Variants in NCOA2 observed in about 807,000 individuals in gnomAD.
NCOA2 encodes the protein nuclear receptor coactivator 2.
Under a neutral mutation model 145.1 loss-of-function variants are expected in NCOA2, and 21 were observed. That is an observed-to-expected ratio of 0.14 (90% confidence interval 0.10 to 0.21). NCOA2 has a LOEUF of 0.21. Ranked by LOEUF, NCOA2 falls within the 10% of genes least tolerant of loss-of-function variation. NCOA2 has a pLI of 1.00. For synonymous variants in NCOA2, 619 were observed against 637.5 expected (o/e 0.97, Z 0.44); for missense variants, 1,472 against 1,837.6 (o/e 0.80, Z 3.64).
At chr8:70,404,997 CTT>C (rs1169382520), upstream of NCOA2, among the ~76,000 whole-genome samples, 3 of 152,164 alleles carry the variant, frequency 2.0e-5, no homozygotes. Flanking sequence ...TTATTGAACA[CTT>C]ACTGTGAATC....
At chr8:70,297,423 T>A (rs1306105686) in intron 1 of NCOA2, among the ~76,000 whole-genome samples, 2 of 152,164 alleles carry the variant, frequency 1.3e-5, no homozygotes, top group Non-Finnish European at 2.9e-5. Flanking sequence ...AACCTCAAAC[T>A]CGTAGGCTCA....
chr8:70,171,690 G>A (rs1218570023), intron 5 of NCOA2, among the ~76,000 whole-genome samples: 1 of 152,134 alleles, frequency 6.6e-6, no homozygotes, highest in African/African-American at 2.4e-5. Context: ...TGGAGACAAG[G>A]TCTTGCTCTC....
chr8:70,360,480 C>T (rs1175047800), intron 1 of NCOA2, among the ~76,000 whole-genome samples: 1 of 152,096 alleles, frequency 6.6e-6, no homozygotes, highest in Non-Finnish European at 1.5e-5. Flanking sequence ...TAGTTAATTA[C>T]AGCACAGGAG....
the NCOA2 span, among the ~76,000 whole-genome samples, chr8:70,416,007 A>G: frequency 1.3e-5 from 2 of 152,196 alleles, no homozygotes; most frequent in African/African-American, 4.8e-5. Context: ...TAGAAATTAG[A>G]TATTTATATC....
the NCOA2 span, among the ~76,000 whole-genome samples, chr8:70,434,861 T>C: frequency 1.3e-5 from 2 of 152,164 alleles, no homozygotes; most frequent in African/African-American, 4.8e-5. Flanking sequence ...CCCATGATTT[T>C]GATGACAACA....
the NCOA2 span, among the ~76,000 whole-genome samples, chr8:70,434,463 C>T: frequency 5.9e-3 from 897 of 152,234 alleles, 14 homozygotes; most frequent in Non-Finnish European, 4.9e-3. Context: ...AATTTGCTCT[C>T]TGAGAAAAGA....
At chr8:70,351,751 ATTTTTTTT>A (rs1266426866) in intron 1 of NCOA2, among the ~76,000 whole-genome samples, 2 of 129,908 alleles carry the variant, frequency 1.5e-5, no homozygotes, top group South Asian at 2.5e-4. Context: ...ACCCCGGCTA[ATTTTTTTT>A]TTTTTTTTTT....
At chr8:70,442,782 G>A in the NCOA2 span, among the ~76,000 whole-genome samples, 2 of 152,070 alleles carry the variant, frequency 1.3e-5, no homozygotes, top group South Asian at 4.1e-4. Context: ...TCCCCAGGTC[G>A]CTTCTGCTGG....
intron 1 of NCOA2, among the ~76,000 whole-genome samples, chr8:70,395,837 A>AT (rs1317495800): frequency 7.9e-5 from 12 of 152,348 alleles, no homozygotes; most frequent in African/African-American, 2.9e-4. Context: ...GTTTTGGGTC[A>AT]TATTTCATAT....
intron 15 of NCOA2, among the ~76,000 whole-genome samples, chr8:70,132,204 C>A (rs979770438): frequency 1.3e-5 from 2 of 152,208 alleles, no homozygotes; most frequent in Admixed American, 6.5e-5. Flanking sequence ...AGGCACAAAT[C>A]TAGACATTTA....
intron 2 of NCOA2, among the ~76,000 whole-genome samples, chr8:70,217,825 G>T (rs1819768829): frequency 6.6e-6 from 1 of 152,104 alleles, no homozygotes; most frequent in Non-Finnish European, 1.5e-5. Context: ...AAACAATGCA[G>T]CAGGACAAGC....
At chr8:70,175,502 G>A (rs537384494) in intron 4 of NCOA2, among the ~76,000 whole-genome samples, 11 of 152,362 alleles carry the variant, frequency 7.2e-5, no homozygotes, top group African/African-American at 2.2e-4. Flanking sequence ...AGAAAGGCGC[G>A]TAGCGTGCGC....
rs763307641 is a variant in NCOA2 at position 70,157,257 on chromosome 8, G to GA, written c.1125-18dup. 2.0e-6 allele frequency: 3 copies of GA among 1,486,780 alleles called. No individual in the cohort carries two copies. The highest frequency in any genetic ancestry group is 2.8e-5 in the African/African-American group (2 of 71,224). 92.1% of individuals were successfully genotyped at this position (1,486,780 alleles called of 1,614,324 possible). ...TTCTGCTCTCTGTATAACGAGAAAAGAAAAAAATGTAAGATAAAAGGAAAA... is the reference window on the plus strand; with the variant it reads ...TTCTGCTCTCTGTATAACGAGAAAAGAAAAAAAATGTAAGATAAAAGGAAAA... On this transcript the variant is annotated splice_polypyrimidine_tract_variant and intron_variant, in intron 10 of 22. Transcript: ENST00000452400.
At chr8:70,382,847 A>T (rs1409774045) in intron 1 of NCOA2, among the ~76,000 whole-genome samples, 4 of 152,234 alleles carry the variant, frequency 2.6e-5, no homozygotes, top group Non-Finnish European at 5.9e-5. Flanking sequence ...CCGTGTTAAT[A>T]ATAATACTTC....
At chr8:70,410,901 G>A in the NCOA2 span, among the ~76,000 whole-genome samples, 2 of 152,128 alleles carry the variant, frequency 1.3e-5, no homozygotes, top group East Asian at 3.8e-4. Context: ...TGTGGGGGGT[G>A]CAGATTGACT....
chr8:70,163,713 G>C, intron 7 of NCOA2, 147 bp from the exon 8 acceptor site: 1 of 621,574 alleles, frequency 1.6e-6, no homozygotes, highest in Middle Eastern at 2.7e-4. Flanking sequence ...CTTCCTACTG[G>C]TTTTATTCTC....
chr8:70,284,860 AGGGGAGAC>A (rs1300916772), intron 2 of NCOA2, among the ~76,000 whole-genome samples: 1 of 151,954 alleles, frequency 6.6e-6, no homozygotes, highest in East Asian at 1.9e-4. Context: ...GAGAAGGGAG[AGGGGAGAC>A]GGGGAGAGAA....
chr8:70,228,004 C>CAAAAAAAAA (rs34992637), intron 2 of NCOA2, among the ~76,000 whole-genome samples: 1 of 112,282 alleles, frequency 8.9e-6, no homozygotes, highest in African/African-American at 3.4e-5. Flanking sequence ...GACTCCATCT[C>CAAAAAAAAA]AAAAAAAAAA....
the NCOA2 span, among the ~76,000 whole-genome samples, chr8:70,422,191 C>A: frequency 1.3e-5 from 2 of 151,948 alleles, no homozygotes; most frequent in African/African-American, 4.8e-5. Flanking sequence ...CTCTGGGGCC[C>A]AAATTTCTTT....
Sources: gnomAD v4.1 joint callset for allele counts (sites outside exome capture counted in the v4.1 genomes callset) on GRCh38, gnomAD v4.1.1 for gene constraint, MANE v1.5 for transcripts, NCBI Gene and HGNC (gene_info 2026-07-23, HGNC 2026-07-21) for gene names.